ZMYND12: variants seen among roughly 807,000 people sequenced by gnomAD.
ZMYND12 encodes the protein zinc finger MYND domain-containing protein 12.
Under a neutral mutation model 41.7 loss-of-function variants are expected in ZMYND12, and 32 were observed. The observed-to-expected ratio is 0.77, with a 90% CI of 0.58 to 1.03. The LOEUF (loss-of-function observed/expected upper bound fraction) is 1.03. Ranked by LOEUF, ZMYND12 falls within the 50% of genes least tolerant of loss-of-function variation. The probability of loss-of-function intolerance (pLI) is 0.00; values close to 1 mark genes in which losing one functional copy is unlikely to be tolerated. For missense variants in ZMYND12, 424 were observed against 438.5 expected, an observed-to-expected ratio of 0.97 and a Z score of 0.30; for synonymous variants, 148 against 164.8, an observed-to-expected ratio of 0.90 and a Z score of 0.78.
chr1:42,449,761 CA>C (rs1643063221), intron 2 of ZMYND12, among the ~76,000 whole-genome samples, 156 bp downstream of exon 2: 1 of 152,206 alleles, frequency 6.6e-6, no homozygotes, highest in African/African-American at 2.4e-5. Flanking sequence ...ATGTGGAAAA[CA>C]ACAGACTGGA....
intron 6 of ZMYND12, among the ~76,000 whole-genome samples, chr1:42,433,673 T>C (rs1382447501): frequency 6.6e-6 from 1 of 152,214 alleles, no homozygotes; most frequent in Admixed American, 6.5e-5. Flanking sequence ...GATTCCACTC[T>C]ACAGCTGAGA....
chr1:42,437,452 GT>G (rs1642919658), intron 4 of ZMYND12, among the ~76,000 whole-genome samples: 3 of 151,162 alleles, frequency 2.0e-5, no homozygotes, highest in Non-Finnish European at 4.4e-5. Flanking sequence ...GTGTGTGTGT[GT>G]GTGTGTGTGT....
Position 42,442,791 on chromosome 1 carries a change from A to G in ZMYND12, c.425-2766T>C, listed in dbSNP as rs142498177. On this transcript the variant is annotated intron_variant, in intron 3 of 7. Coordinates refer to ENST00000372565, the MANE Select transcript of ZMYND12 (RefSeq NM_032257.5). Reference sequence around the variant, plus strand: ...CACTGAATTAAAGGAAAAGAGATGAAGAGGAAGCAGTCTACAAGAAGAAGG... The same window carrying G: ...CACTGAATTAAAGGAAAAGAGATGAGGAGGAAGCAGTCTACAAGAAGAAGG... Among the ~76,000 whole-genome samples, 603 of 152,300 alleles carry G rather than the reference A, an allele frequency of 4.0e-3. 3 individuals are homozygous for G. The highest frequency in any genetic ancestry group is 0.014 in the African/African-American group (575 of 41,560).
rs753178264 is a variant in ZMYND12, at chr1:42,455,978, A to G, written c.20T>C (p.Leu7Pro). The change falls in exon 1 of 8, where the codon CTG becomes CCG. Residue 7 changes from leucine (L) to proline (P), a missense_variant. Physicochemically the swap from Leu to Pro is moderately conservative, Grantham distance 98. Transcript: ENST00000372565. ...GAGTCTGCGCCCCTTGGGGACTGCC[A>G]GTGGGTAGATCACATTCATGGTGCA... MNVIYP[L>P]AVPKGRRLCC... 1.2e-6 allele frequency: 2 copies of G among 1,613,070 alleles called. No homozygotes were observed. The highest frequency in any genetic ancestry group is 1.1e-5 in the South Asian group (1 of 91,034).
intron 3 of ZMYND12, among the ~76,000 whole-genome samples, chr1:42,448,068 C>T (rs767298379): frequency 3.9e-5 from 6 of 152,190 alleles, no homozygotes; most frequent in Non-Finnish European, 8.8e-5. Context: ...TAGCTGTCTT[C>T]TACAGTGAGC....
chr1:42,451,626 G>T (rs1472335907), intron 1 of ZMYND12, among the ~76,000 whole-genome samples: 1 of 152,116 alleles, frequency 6.6e-6, no homozygotes. Flanking sequence ...GGACAATATT[G>T]CCACCTTCTT....
chr1:42,437,999 C>T (rs185016686), intron 4 of ZMYND12, among the ~76,000 whole-genome samples: 14 of 151,908 alleles, frequency 9.2e-5, no homozygotes, highest in Non-Finnish European at 1.5e-4. Context: ...TTCATAGAGA[C>T]GGGGTTTCAC....
rs772858181 is a variant in ZMYND12, at chr1:42,456,015, T to C, written c.-18A>G. ...ACATTCATGGTGCAGCCAGCAGTGC[T>C]GGTCTCTAAGACGGTTGCCCAGCAA... On this transcript the variant is annotated 5_prime_UTR_variant, in exon 1 of 8. Transcript: ENST00000372565. The C allele has an allele frequency of 3.8e-6, 6 of 1,589,938 alleles. No homozygotes were observed. In the South Asian group the frequency reaches 5.5e-5, roughly 15 times the overall value.
intron 3 of ZMYND12, among the ~76,000 whole-genome samples, chr1:42,442,933 C>T (rs1570351859): frequency 1.3e-5 from 2 of 152,170 alleles, no homozygotes; most frequent in African/African-American, 4.8e-5. Flanking sequence ...GTCACATCTT[C>T]CCTCCAGGCT....
At chr1:42,436,049 T>C (rs534214863) in intron 5 of ZMYND12, among the ~76,000 whole-genome samples, 1 of 152,338 alleles carries the variant, frequency 6.6e-6, no homozygotes, top group Admixed American at 6.5e-5. Context: ...GACAGGATCT[T>C]GTAGCAACAG....
chr1:42,443,841 A>C lies in ZMYND12; in HGVS notation c.425-3816T>G, dbSNP rs114697627. On this transcript the variant is annotated intron_variant, in intron 3 of 7. Coordinates refer to ENST00000372565, the MANE Select transcript of ZMYND12 (RefSeq NM_032257.5). Reference sequence around the variant, plus strand: ...CTAAGACATGATCCCTGACTCCAAGAAGCTTAAAATCAAGTGAAGTAGGCA... The same window carrying C: ...CTAAGACATGATCCCTGACTCCAAGCAGCTTAAAATCAAGTGAAGTAGGCA... Among the ~76,000 whole-genome samples, 542 of 152,290 alleles carry C rather than the reference A, an allele frequency of 3.6e-3. 2 individuals are homozygous for C. Among genetic ancestry groups the C allele is most frequent in the African/African-American group, 0.013 (525 of 41,546 alleles).
chr1:42,436,346 C>T, intron 5 of ZMYND12, 75 bp downstream of exon 5: 1 of 1,584,760 alleles, frequency 6.3e-7, no homozygotes, highest in Non-Finnish European at 8.6e-7. Flanking sequence ...GTATGTTTTT[C>T]ATGAATAGTC....
intron 6 of ZMYND12, among the ~76,000 whole-genome samples, chr1:42,434,303 TC>T (rs1642883834): frequency 6.6e-6 from 1 of 152,168 alleles, no homozygotes; most frequent in South Asian, 2.1e-4. Flanking sequence ...TACAGTTTAA[TC>T]CAACTGGGCC....
In ZMYND12 at chr1:42,439,859, A is replaced by G; in HGVS notation, c.591T>C (p.Asn197=). ...NYEEARYHLA[N]DIYFASCAFG... ...TGTTATAACTTAGCTTGTTTACATC[A>G]TTGGCCAGATGATAACGGGCCTCTT... Residue 197 remains asparagine (N), a synonymous_variant, in exon 4 of 8, where the codon AAT becomes AAC. Transcript: ENST00000372565. The G allele has an allele frequency of 6.2e-7, 1 of 1,609,602 alleles. No individual in the cohort carries two copies. The highest frequency in any genetic ancestry group is 8.5e-7 in the Non-Finnish European group (1 of 1,178,582).
At position 42,448,476 on chromosome 1, in the gene ZMYND12, C is replaced by A; in HGVS notation, c.415G>T (p.Ala139Ser). Residue 139 changes from alanine (A) to serine (S), a missense_variant, in exon 3 of 8, where the codon GCC becomes TCC. Ala to Ser is a moderately conservative substitution (Grantham distance 99). Coordinates refer to ENST00000372565, the MANE Select transcript of ZMYND12 (RefSeq NM_032257.5). ...LVPAYLLLAE[A>S]SLGLGRIVQA... Reference sequence around the variant, plus strand: ...AGTCGGTTTCACTCACCAAGGCTGGCCTCGGCCAACAGCAGGTAAGCAGGC... The same window carrying A: ...AGTCGGTTTCACTCACCAAGGCTGGACTCGGCCAACAGCAGGTAAGCAGGC... 6.3e-7 allele frequency: 1 copy of A among 1,596,390 alleles called. No homozygotes were observed. Among genetic ancestry groups the A allele is most frequent in the Admixed American group, 1.7e-5 (1 of 57,738 alleles).
intron 3 of ZMYND12, among the ~76,000 whole-genome samples, chr1:42,447,087 C>A (rs1643031984): frequency 6.6e-6 from 1 of 152,128 alleles, no homozygotes; most frequent in Non-Finnish European, 1.5e-5. Flanking sequence ...TATATAGTTT[C>A]AAAGGACGTA....
chr1:42,435,829 A>C (rs745317302), intron 5 of ZMYND12, among the ~76,000 whole-genome samples: 92 of 152,236 alleles, frequency 6.0e-4, no homozygotes, highest in Non-Finnish European at 1.2e-3. Flanking sequence ...TAAAGCTTTT[A>C]AACTACAGCA....
intron 4 of ZMYND12, among the ~76,000 whole-genome samples, chr1:42,439,069 A>T (rs1283209797): frequency 6.6e-6 from 1 of 152,174 alleles, no homozygotes; most frequent in Admixed American, 6.5e-5. Flanking sequence ...TGAAGTAGAG[A>T]TATTACTGTT....
rs766485178 is a variant in ZMYND12 at position 42,433,162 on chromosome 1, AG to A, written c.955del (p.Leu319Ter). The A allele has an allele frequency of 1.9e-6, 3 of 1,609,730 alleles. No homozygotes were observed. The highest frequency in any genetic ancestry group is 2.5e-6 in the Non-Finnish European group (3 of 1,178,602). Reference sequence around the variant, plus strand: ...ACTTGCCTTTGAAGAATTCATCATCAGGTAGTAAAACATGACCAGGATCTTC... The same window carrying A: ...ACTTGCCTTTGAAGAATTCATCATCAGTAGTAAAACATGACCAGGATCTTC... Reference protein sequence around the residue: ...VLKILVMFYYLMMNSSKAQEY... With the variant: ...VLKILVMFYYXMMNSSKAQEY... On this transcript the variant is annotated frameshift_variant, in exon 7 of 8. Coordinates refer to ENST00000372565, the MANE Select transcript of ZMYND12 (RefSeq NM_032257.5). LOFTEE classifies it low-confidence loss of function (END_TRUNC).
Sources: gnomAD v4.1 joint callset for allele counts (sites outside exome capture counted in the v4.1 genomes callset) on GRCh38, gnomAD v4.1.1 for gene constraint, MANE v1.5 for transcripts, NCBI Gene and HGNC (gene_info 2026-07-23, HGNC 2026-07-21) for gene names.